EDNRB: variants seen among roughly 807,000 people sequenced by gnomAD.
EDNRB encodes the protein Hirschsprung disease 2.
Under a neutral mutation model 46.4 loss-of-function variants are expected in EDNRB, and 18 were observed. The observed-to-expected ratio is 0.39, with a 90% CI of 0.27 to 0.57. The LOEUF is 0.57. EDNRB is among the 20% of genes least tolerant of loss of function. EDNRB has a pLI of 0.61. For synonymous variants in EDNRB, 213 were observed against 204.9 expected (o/e 1.04, Z -0.34); for missense variants, 434 against 537.5 (o/e 0.81, Z 1.90).
intron 1 of EDNRB, among the ~76,000 whole-genome samples, chr13:77,928,758 A>G (rs1594379984): frequency 6.6e-6 from 1 of 152,308 alleles, no homozygotes; most frequent in East Asian, 1.9e-4. Flanking sequence ...GAAAAGCTGA[A>G]TTTGCTCTAG....
chr13:77,974,956 A>C (rs1367245231), intron 1 of EDNRB, among the ~76,000 whole-genome samples: 3 of 152,132 alleles, frequency 2.0e-5, no homozygotes, highest in Admixed American at 6.5e-5. Context: ...TCTTTGAGGC[A>C]AAACACCACG....
intron 1 of EDNRB, among the ~76,000 whole-genome samples, chr13:77,969,681 G>A (rs566892127): frequency 3.3e-5 from 5 of 152,198 alleles, no homozygotes; most frequent in East Asian, 3.9e-4. Flanking sequence ...AACATTACCC[G>A]CCTGCACCAT....
rs1026039425 is a variant in EDNRB at position 77,899,870 on chromosome 13, T to G, written c.1183A>C (p.Asn395His). The change falls in exon 6 of 7, where the codon AAC becomes CAC. Residue 395 changes from asparagine (N) to histidine (H), a missense_variant. Asn to His is a moderately conservative substitution (Grantham distance 68). Coordinates refer to ENST00000646607, the MANE Select transcript of EDNRB (RefSeq NM_001122659.3). The stretch of plus-strand genomic sequence containing the variant: ...GGATAGTCTCTTACCTTAAAGCAGT[T>G]TTTGAATCTTTTGCTCACCAAATAC... ...ALYLVSKRFK[N>H]CFKSCLCCWC... 1 of 1,611,522 alleles carries G rather than the reference T, an allele frequency of 6.2e-7. No individual in the cohort carries two copies. Among genetic ancestry groups the G allele is most frequent in the South Asian group, 1.1e-5 (1 of 91,036 alleles).
intron 1 of EDNRB, among the ~76,000 whole-genome samples, chr13:77,956,492 TG>T: frequency 6.6e-6 from 1 of 152,344 alleles, no homozygotes; most frequent in East Asian, 1.9e-4. Flanking sequence ...CTTTCCAATT[TG>T]GATGCTTTTT....
intron 1 of EDNRB, among the ~76,000 whole-genome samples, chr13:77,936,712 G>T (rs1566326943): frequency 6.6e-6 from 1 of 152,240 alleles, no homozygotes; most frequent in Non-Finnish European, 1.5e-5. Flanking sequence ...TGCACAGATG[G>T]GACATGGCTT....
upstream of EDNRB, among the ~76,000 whole-genome samples, chr13:77,924,627 C>A (rs763082033): frequency 2.0e-5 from 3 of 152,140 alleles, no homozygotes; most frequent in Non-Finnish European, 4.4e-5. Context: ...TGTTATGTAA[C>A]AGATCTCTGT....
chr13:77,913,411 T>C (rs950774365), intron 1 of EDNRB, among the ~76,000 whole-genome samples: 6 of 152,292 alleles, frequency 3.9e-5, no homozygotes, highest in Admixed American at 3.9e-4. Context: ...GCCTAATTTC[T>C]AGCTCTCCAT....
chr13:77,942,502 A>C lies in EDNRB; in HGVS notation c.-51-23878T>G, dbSNP rs377164462. ...CCACTAGATTATACATACTTCTCAG[A>C]TATGCCAAACAGACTTTTCATAATA... On this transcript the variant is annotated intron_variant, in intron 1 of 7. Coordinates refer to the EDNRB transcript ENST00000646948. 1.2e-3 allele frequency among the ~76,000 whole-genome samples: 189 copies of C among 152,294 alleles called. 3 individuals are homozygous for C. The South Asian group carries it at 0.022, about 18-fold the overall frequency.
At chr13:77,945,467 T>G (rs1247798400) in intron 1 of EDNRB, among the ~76,000 whole-genome samples, 3 of 152,166 alleles carry the variant, frequency 2.0e-5, no homozygotes, top group African/African-American at 7.2e-5. Context: ...AATTAACAAC[T>G]TTTCTTGGAC....
chr13:77,960,989 G>A (rs113137166), intron 1 of EDNRB, among the ~76,000 whole-genome samples: 5,437 of 152,092 alleles, frequency 0.036, 163 homozygotes, highest in East Asian at 0.088. Flanking sequence ...AACAAGAAGA[G>A]TTAACTGTCC....
intron 1 of EDNRB, among the ~76,000 whole-genome samples, chr13:77,950,941 G>A (rs745835401): frequency 5.9e-5 from 9 of 152,156 alleles, no homozygotes; most frequent in African/African-American, 1.4e-4. Flanking sequence ...CCAAACCTGC[G>A]AGATTGTATT....
intron 3 of EDNRB, among the ~76,000 whole-genome samples, chr13:77,902,109 GAA>G (rs1879022115): frequency 6.6e-6 from 1 of 151,930 alleles, no homozygotes; most frequent in Admixed American, 6.6e-5. Context: ...TGACCAGGAT[GAA>G]AAGTTTCTTG....
chr13:77,910,769 C>T (rs903156110), intron 1 of EDNRB, among the ~76,000 whole-genome samples: 1 of 151,944 alleles, frequency 6.6e-6, no homozygotes, highest in African/African-American at 2.4e-5. Context: ...GGCAGCGGTT[C>T]TGTCCATGGG....
At chr13:77,932,353 T>A (rs765908378) in intron 1 of EDNRB, among the ~76,000 whole-genome samples, 7 of 152,360 alleles carry the variant, frequency 4.6e-5, no homozygotes, top group Non-Finnish European at 8.8e-5. Context: ...GAAATACCCA[T>A]CTTTATGGCT....
At position 77,896,422 on chromosome 13, in the gene EDNRB, G is replaced by T. The variant is rs1878625770; in HGVS notation, c.*1778C>A. 3 of 1,541,334 alleles carry T rather than the reference G, an allele frequency of 1.9e-6. No homozygotes were observed. Among genetic ancestry groups the T allele is most frequent in the Non-Finnish European group, 1.7e-6 (2 of 1,143,600 alleles). On this transcript the variant is annotated 3_prime_UTR_variant, in exon 7 of 7. Transcript: ENST00000646607. ...CAAGTTTGTGGGTGATTTATAAATA[G>T]AATCCATATGGTGTGTGAATTAATT... is the stretch of plus-strand genomic sequence containing the variant.
rs1289720724 is a variant in EDNRB, at chr13:77,963,812, C to T, written c.-52+11535G>A. On this transcript the variant is annotated intron_variant, in intron 1 of 7. Coordinates refer to the EDNRB transcript ENST00000646948. ...AAGAGCTTCTGCACAGCAAAAGAAA[C>T]TACCATCAGAGTAAACAGGCAACCT... Among the ~76,000 whole-genome samples, 11 of 152,250 alleles carry T rather than the reference C, an allele frequency of 7.2e-5. No homozygotes were observed. In the South Asian group the frequency reaches 8.3e-4, roughly 11 times the overall value.
chr13:77,906,274 C>T (rs1030997790), intron 1 of EDNRB, among the ~76,000 whole-genome samples: 2 of 151,936 alleles, frequency 1.3e-5, no homozygotes, highest in Non-Finnish European at 2.9e-5. Flanking sequence ...TTTAAAAGAA[C>T]TGCCAATTAC....
chr13:77,896,687 C>G lies in EDNRB; in HGVS notation c.*1513G>C, dbSNP rs200042120. 1.7e-4 allele frequency: 243 copies of G among 1,447,332 alleles called. 1 individual carries two copies. The highest frequency in any genetic ancestry group is 1.0e-3 in the African/African-American group (72 of 69,148). 89.7% of individuals were successfully genotyped at this position (1,447,332 alleles called of 1,614,324 possible). ...TGTTTTGCTGGAACAAAATCAGGAC[C>G]TTTTGCATTGATGTGACGAGGCAAT... On this transcript the variant is annotated 3_prime_UTR_variant, in exon 7 of 7. Transcript: ENST00000646607.
intron 1 of EDNRB, among the ~76,000 whole-genome samples, chr13:77,963,864 C>T (rs1478594674): frequency 1.3e-5 from 2 of 152,098 alleles, no homozygotes; most frequent in African/African-American, 4.8e-5. Context: ...TTTTTGCAAC[C>T]TACTCATCTG....
Sources: gnomAD v4.1 joint callset for allele counts (sites outside exome capture counted in the v4.1 genomes callset) on GRCh38, gnomAD v4.1.1 for gene constraint, MANE v1.5 for transcripts, NCBI Gene and HGNC (gene_info 2026-07-23, HGNC 2026-07-21) for gene names.